OSBPL1A: variants seen among roughly 807,000 people sequenced by gnomAD.
OSBPL1A encodes oxysterol binding protein like 1A.
In OSBPL1A, 80 loss-of-function variants were observed where a neutral mutation model predicts 137.1. The observed-to-expected ratio is 0.58, with a 90% CI of 0.49 to 0.70. The LOEUF (loss-of-function observed/expected upper bound fraction) is 0.70. OSBPL1A is among the 30% of genes least tolerant of loss of function. The pLI, the probability that OSBPL1A is intolerant of heterozygous loss-of-function variation, is 0.00. For missense variants in OSBPL1A, 970 were observed against 1,129.4 expected, an observed-to-expected ratio of 0.86 and a Z score of 2.02; for synonymous variants, 365 against 389.7, an observed-to-expected ratio of 0.94 and a Z score of 0.75.
chr18:24,196,049 A>T (rs1448569850), intron 18 of OSBPL1A, 76 bp downstream of exon 18: 1 of 1,212,342 alleles, frequency 8.2e-7, no homozygotes, highest in African/African-American at 1.5e-5. Context: ...TTTAATGCAA[A>T]CTTTTAGGTT....
At chr18:24,182,700 T>C (rs1202878350) in intron 18 of OSBPL1A, among the ~76,000 whole-genome samples, 1 of 152,070 alleles carries the variant, frequency 6.6e-6, no homozygotes, top group Non-Finnish European at 1.5e-5. Flanking sequence ...TACTGCTGCA[T>C]CACTGGGGAG....
intron 14 of OSBPL1A, chr18:24,302,531 C>T (rs191788954): frequency 6.6e-6 from 1 of 152,064 alleles, no homozygotes; most frequent in African/African-American, 2.4e-5. Flanking sequence ...TCAAGCAACT[C>T]TCCTGCCTCA....
intron 21 of OSBPL1A, 109 bp downstream of exon 21, chr18:24,177,904 G>A: frequency 9.2e-7 from 1 of 1,088,396 alleles, no homozygotes; most frequent in Non-Finnish European, 1.3e-6. Flanking sequence ...CTGTATGAAA[G>A]CTGTTTCTTT....
intron 4 of OSBPL1A, among the ~76,000 whole-genome samples, chr18:24,360,893 G>A (rs1466329326): frequency 6.6e-6 from 1 of 152,178 alleles, no homozygotes; most frequent in Non-Finnish European, 1.5e-5. Flanking sequence ...ATAGGTTCCA[G>A]CCACCCTCAC....
At chr18:24,221,324 C>T (rs540966919) in intron 17 of OSBPL1A, among the ~76,000 whole-genome samples, 2 of 152,280 alleles carry the variant, frequency 1.3e-5, no homozygotes, top group East Asian at 1.9e-4. Context: ...CGGCTAAGAA[C>T]TAGAATCTAA....
intron 4 of OSBPL1A, among the ~76,000 whole-genome samples, chr18:24,363,487 T>C (rs1325918956): frequency 6.7e-6 from 1 of 150,082 alleles, no homozygotes; most frequent in Non-Finnish European, 1.5e-5. Context: ...CGCTGTGTTG[T>C]CCAGGCTGGA....
chr18:24,365,877 G>C (rs1453369557), intron 4 of OSBPL1A, among the ~76,000 whole-genome samples: 4 of 152,244 alleles, frequency 2.6e-5, no homozygotes, highest in South Asian at 2.1e-4. Flanking sequence ...AATATGGGTG[G>C]GGGCAGTTCT....
chr18:24,318,673 T>G (rs772215557), intron 8 of OSBPL1A, 28 bp from the exon 9 acceptor site: 2 of 1,607,190 alleles, frequency 1.2e-6, no homozygotes, highest in Non-Finnish European at 1.7e-6. Flanking sequence ...TCATGAAAAA[T>G]GCATCTACAT....
chr18:24,287,873 G>A (rs954026887), intron 14 of OSBPL1A, among the ~76,000 whole-genome samples: 4 of 152,196 alleles, frequency 2.6e-5, no homozygotes, highest in Non-Finnish European at 5.9e-5. Context: ...TAGCCACACT[G>A]TCTCACCTAT....
intron 4 of OSBPL1A, among the ~76,000 whole-genome samples, chr18:24,344,934 C>A (rs765920675): frequency 6.6e-6 from 1 of 152,024 alleles, no homozygotes; most frequent in Non-Finnish European, 1.5e-5. Flanking sequence ...CCACCTCAGC[C>A]TCCCAAGTAG....
At chr18:24,396,510 G>A (rs1190710108) in intron 1 of OSBPL1A, among the ~76,000 whole-genome samples, 5 of 152,124 alleles carry the variant, frequency 3.3e-5, no homozygotes, top group Non-Finnish European at 7.3e-5. Context: ...CACTGCCTGG[G>A]AGAAATGAAA....
At chr18:24,167,764 C>A (rs1036322404) in intron 24 of OSBPL1A, among the ~76,000 whole-genome samples, 3 of 152,236 alleles carry the variant, frequency 2.0e-5, no homozygotes, top group Non-Finnish European at 2.9e-5. Flanking sequence ...GATGAAATCA[C>A]CTAATGATTT....
intron 7 of OSBPL1A, among the ~76,000 whole-genome samples, chr18:24,331,902 G>A (rs1349314699): frequency 6.6e-6 from 1 of 152,174 alleles, no homozygotes; most frequent in East Asian, 1.9e-4. Flanking sequence ...CATGCCCAGA[G>A]TGGTGAAAAA....
At chr18:24,283,264 C>CAAAAAAAAAA (rs67218844) in intron 14 of OSBPL1A, among the ~76,000 whole-genome samples, 4 of 30,726 alleles carry the variant, frequency 1.3e-4, no homozygotes, top group Non-Finnish European at 2.4e-4. Flanking sequence ...GACTCCATCT[C>CAAAAAAAAAA]AAAAAAAAAA....
At chr18:24,295,481 A>G (rs1372787055) in intron 14 of OSBPL1A, among the ~76,000 whole-genome samples, 1 of 152,180 alleles carries the variant, frequency 6.6e-6, no homozygotes, top group Non-Finnish European at 1.5e-5. Flanking sequence ...ATTTTTGCCT[A>G]GGCCAATGTC....
At chr18:24,384,340 A>C (rs1401302675) in intron 1 of OSBPL1A, among the ~76,000 whole-genome samples, 1 of 152,208 alleles carries the variant, frequency 6.6e-6, no homozygotes, top group Non-Finnish European at 1.5e-5. Flanking sequence ...TTGGGAGGCC[A>C]AGGTGGGCAG....
At chr18:24,254,642 G>T (rs893794864) in intron 15 of OSBPL1A, among the ~76,000 whole-genome samples, 3 of 151,858 alleles carry the variant, frequency 2.0e-5, no homozygotes, top group African/African-American at 7.3e-5. Flanking sequence ...AATGATAAGA[G>T]AAACACAACA....
At chr18:24,214,535 A>G (rs2087637177) in intron 17 of OSBPL1A, among the ~76,000 whole-genome samples, 1 of 152,236 alleles carries the variant, frequency 6.6e-6, no homozygotes, top group Admixed American at 6.5e-5. Flanking sequence ...GAGAAAGGTC[A>G]TGTCTCAGAA....
rs758731065 is a variant in OSBPL1A at position 24,163,170 on chromosome 18, G to A, written c.*9C>T. The A allele has an allele frequency of 6.3e-7, 1 of 1,582,384 alleles. No homozygotes were observed. The highest frequency in any genetic ancestry group is 8.7e-7 in the Non-Finnish European group (1 of 1,152,158). On this transcript the variant is annotated 3_prime_UTR_variant, in exon 28 of 28. Coordinates refer to ENST00000319481, the MANE Select transcript of OSBPL1A (RefSeq NM_080597.4). Reference sequence around the variant, plus strand: ...GTAGATTAGCCAAACACCCTGACTTGTATGCATTTTAATAAATGTCAGGCA... The same window carrying A: ...GTAGATTAGCCAAACACCCTGACTTATATGCATTTTAATAAATGTCAGGCA...
Sources: allele counts gnomAD v4.1 joint callset (sites outside exome capture counted in the v4.1 genomes callset), GRCh38; gene constraint gnomAD v4.1.1; transcripts MANE v1.5; gene names NCBI Gene and HGNC (gene_info 2026-07-23, HGNC 2026-07-21).